The following SPAG16 variants were observed in gnomAD, a reference collection of about 807,000 sequenced individuals.
SPAG16 encodes the protein sperm associated antigen 16, also known as sperm-associated antigen 16 protein.
SPAG16 carries 86 observed loss-of-function variants against 80.4 expected under a neutral mutation model. The ratio of observed to expected loss-of-function variants is 1.07; its 90% CI spans 0.90 to 1.28. The LOEUF (loss-of-function observed/expected upper bound fraction) is 1.28. SPAG16 is among the 50% of genes most tolerant of loss of function. The pLI is 0.00. For missense variants in SPAG16, 870 were observed against 765.3 expected, an observed-to-expected ratio of 1.14 and a Z score of -1.61; for synonymous variants, 294 against 265.9, an observed-to-expected ratio of 1.11 and a Z score of -1.03.
chr2:213,850,941 T>C (rs2074872678), intron 10 of SPAG16, among the ~76,000 whole-genome samples: 1 of 152,158 alleles, frequency 6.6e-6, no homozygotes, highest in Non-Finnish European at 1.5e-5. Context: ...GGAACATTCT[T>C]ATTAGTATAT....
intron 10 of SPAG16, among the ~76,000 whole-genome samples, chr2:213,515,172 T>C (rs942960771): frequency 2.0e-5 from 3 of 152,130 alleles, no homozygotes; most frequent in African/African-American, 7.2e-5. Context: ...TATGTATATA[T>C]ATATATAAAC....
chr2:213,393,998 C>T (rs1038551352), intron 9 of SPAG16, among the ~76,000 whole-genome samples: 6 of 151,960 alleles, frequency 3.9e-5, no homozygotes, highest in East Asian at 1.9e-4. Flanking sequence ...TCTATTAATG[C>T]GGATATCTTG....
intron 15 of SPAG16, among the ~76,000 whole-genome samples, chr2:214,273,745 G>C (rs1173269626): frequency 6.6e-6 from 1 of 151,898 alleles, no homozygotes; most frequent in Non-Finnish European, 1.5e-5. Context: ...TTCCAGCTTT[G>C]TTCTTTTTGC....
At chr2:213,621,059 C>CGTTTT (rs148159509) in intron 10 of SPAG16, among the ~76,000 whole-genome samples, 38,434 of 150,108 alleles carry the variant, frequency 0.26, 5,101 homozygotes, top group Middle Eastern at 0.38. Context: ...AAACTAAAAA[C>CGTTTT]TAGTTTTAGT....
Position 213,628,306 on chromosome 2 carries a change from G to A in SPAG16, c.1070+138216G>A, listed in dbSNP as rs1003102847. 1.2e-4 allele frequency among the ~76,000 whole-genome samples: 18 copies of A among 152,160 alleles called. 1 individual carries two copies. The highest frequency in any genetic ancestry group is 3.9e-4 in the African/African-American group (16 of 41,436). On this transcript the variant is annotated intron_variant, in intron 10 of 15. Coordinates refer to ENST00000331683, the MANE Select transcript of SPAG16 (RefSeq NM_024532.5). ...CAAATAGTACCAAGACCTAAATGAA[G>A]CTCCTGATTCCTCCCAGGAGTCTAG...
At chr2:213,787,984 TAAG>T (rs781171610) in intron 10 of SPAG16, among the ~76,000 whole-genome samples, 7 of 151,972 alleles carry the variant, frequency 4.6e-5, no homozygotes, top group Non-Finnish European at 8.8e-5. Flanking sequence ...GTGCAAATAA[TAAG>T]AAAGAATCAT....
chr2:213,912,826 T>C (rs527857827), intron 11 of SPAG16, among the ~76,000 whole-genome samples: 2 of 152,248 alleles, frequency 1.3e-5, no homozygotes, highest in East Asian at 3.9e-4. Flanking sequence ...CTACAAATCA[T>C]AAACAATACC....
rs183693222 is a variant in SPAG16, at chr2:213,894,861, G to A, written c.1214+32233G>A. Among the ~76,000 whole-genome samples the A allele has an allele frequency of 1.8e-3, 278 of 151,460 alleles. 1 individual carries two copies. The highest frequency in any genetic ancestry group is 8.0e-3 in the Admixed American group (121 of 15,172). On this transcript the variant is annotated intron_variant, in intron 11 of 15. Coordinates refer to ENST00000331683, the MANE Select transcript of SPAG16 (RefSeq NM_024532.5). Reference sequence around the variant, plus strand: ...AAAAATTAGCCAGGCTTGGTGGCATGTGCCTGTAGTCCCAGATACTTGGGA... The same window carrying A: ...AAAAATTAGCCAGGCTTGGTGGCATATGCCTGTAGTCCCAGATACTTGGGA...
intron 10 of SPAG16, among the ~76,000 whole-genome samples, chr2:213,548,245 G>C (rs1294457988): frequency 6.6e-6 from 1 of 151,684 alleles, no homozygotes; most frequent in East Asian, 1.9e-4. Context: ...ACGGAGTTTC[G>C]CTCTGTCGCC....
rs1194891613 is a variant in SPAG16, at chr2:213,627,957, A to G, written c.1070+137867A>G. On this transcript the variant is annotated intron_variant, in intron 10 of 15. Coordinates refer to ENST00000331683, the MANE Select transcript of SPAG16 (RefSeq NM_024532.5). ...CCAAAGTAGTATTTCTCTTTCTTTC[A>G]ATATAGAAATGTCACTATTGAAAAC... Among the ~76,000 whole-genome samples the G allele has an allele frequency of 2.0e-5, 3 of 152,224 alleles. No homozygotes were observed. The East Asian group carries it at 5.8e-4, about 29-fold the overall frequency.
chr2:213,662,583 G>T (rs1472030338), intron 10 of SPAG16, among the ~76,000 whole-genome samples: 1 of 152,042 alleles, frequency 6.6e-6, no homozygotes, highest in Non-Finnish European at 1.5e-5. Flanking sequence ...GACATATTTA[G>T]CCATATACCA....
chr2:214,091,709 C>T (rs1286337601), intron 13 of SPAG16, among the ~76,000 whole-genome samples: 2 of 152,030 alleles, frequency 1.3e-5, no homozygotes, highest in Non-Finnish European at 2.9e-5. Flanking sequence ...TTCTAGTTTA[C>T]TTATGCATTT....
intron 14 of SPAG16, among the ~76,000 whole-genome samples, chr2:214,108,873 A>C (rs188735756): frequency 5.6e-4 from 85 of 152,286 alleles, no homozygotes; most frequent in African/African-American, 2.0e-3. Context: ...AACAATGAAA[A>C]TTGTTGGAGA....
chr2:213,849,863 T>A (rs1383409382), intron 10 of SPAG16, among the ~76,000 whole-genome samples: 2 of 152,194 alleles, frequency 1.3e-5, no homozygotes, highest in East Asian at 3.8e-4. Flanking sequence ...TGCTGAAACA[T>A]GAAATAACCA....
intron 13 of SPAG16, among the ~76,000 whole-genome samples, chr2:214,023,729 T>A (rs1242340856): frequency 6.6e-6 from 1 of 151,808 alleles, no homozygotes; most frequent in African/African-American, 2.4e-5. Flanking sequence ...TCTCATACTT[T>A]CCATATAAAA....
chr2:214,217,022 A>C (rs765098144), intron 15 of SPAG16, among the ~76,000 whole-genome samples: 16 of 152,246 alleles, frequency 1.1e-4, no homozygotes, highest in Admixed American at 7.9e-4. Context: ...TACAAACTTC[A>C]TCAGACATTA....
chr2:213,891,716 T>A (rs994400655), intron 11 of SPAG16, among the ~76,000 whole-genome samples: 1 of 151,966 alleles, frequency 6.6e-6, no homozygotes, highest in African/African-American at 2.4e-5. Flanking sequence ...AATAAGGAAA[T>A]GAGAATTCCT....
intron 13 of SPAG16, among the ~76,000 whole-genome samples, chr2:214,015,756 TC>T (rs2047562482): frequency 1.3e-5 from 2 of 152,224 alleles, no homozygotes; most frequent in Non-Finnish European, 2.9e-5. Flanking sequence ...TACTCTGGGG[TC>T]CTGTTGGCTA....
chr2:214,242,463 C>G (rs1402190255), intron 15 of SPAG16, among the ~76,000 whole-genome samples: 1 of 152,176 alleles, frequency 6.6e-6, no homozygotes, highest in African/African-American at 2.4e-5. Context: ...GTTTTCTTTT[C>G]TCCTTCAGAG....
Sources: gnomAD v4.1 joint callset for allele counts (sites outside exome capture counted in the v4.1 genomes callset) on GRCh38, gnomAD v4.1.1 for gene constraint, MANE v1.5 for transcripts, NCBI Gene and HGNC (gene_info 2026-07-23, HGNC 2026-07-21) for gene names.